Variants in OR7A5 observed in about 807,000 individuals in gnomAD.
OR7A5 encodes the protein olfactory receptor 7A5.
For missense variants in OR7A5, 319 were observed against 377.9 expected, an observed-to-expected ratio of 0.84 and a Z score of 1.29; for synonymous variants, 140 against 146.7, an observed-to-expected ratio of 0.95 and a Z score of 0.33.
chr19:14,828,145 A>G lies in OR7A5; in HGVS notation c.97T>C (p.Ser33Pro), dbSNP rs547840987. The G allele has an allele frequency of 1.2e-6, 2 of 1,614,166 alleles. No individual in the cohort carries two copies. Among genetic ancestry groups the G allele is most frequent in the South Asian group, 2.2e-5 (2 of 91,084 alleles). ...LQPFLFGLFLSMYLVTVLGNL... is the reference protein window; with the variant it reads ...LQPFLFGLFLPMYLVTVLGNL... Reference sequence around the variant, plus strand: ...CCGAGCACAGTGACCAGGTACATGGACAGGAACAGCCCAAAGAGGAAGGGT... The same window carrying G: ...CCGAGCACAGTGACCAGGTACATGGGCAGGAACAGCCCAAAGAGGAAGGGT... The change falls in exon 2 of 2, where the codon TCC becomes CCC. Residue 33 changes from serine to proline, a missense_variant. Ser to Pro is a moderately conservative substitution (Grantham distance 74). Transcript: ENST00000322301.
chr19:14,827,471 C>T lies in OR7A5; in HGVS notation c.771G>A (p.Gly257=), dbSNP rs747511434. The T allele has an allele frequency of 2.1e-5, 34 of 1,613,860 alleles. No individual in the cohort carries two copies. The highest frequency in any genetic ancestry group is 4.4e-5 in the South Asian group (4 of 91,074). The change falls in exon 2 of 2, where the codon GGG becomes GGA. Residue 257 remains glycine (G), a synonymous_variant. Coordinates refer to ENST00000322301, the MANE Select transcript of OR7A5 (RefSeq NM_017506.2). ...VVSLFYGAIL[G]VYLSSAATRN... is the part of the protein sequence containing the mutation. ...GGGTGGCAGCAGAACTAAGGTACAC[C>T]CCTAGGATTGCACCATAAAATAAGG... is the stretch of plus-strand genomic sequence containing the variant.
chr19:14,828,431 G>C (rs1403633086), intron 1 of OR7A5, 177 bp from the exon 2 acceptor site: 21 of 666,648 alleles, frequency 3.2e-5, no homozygotes, highest in Non-Finnish European at 4.8e-5. Flanking sequence ...CCCACTCTCA[G>C]CCTTAACTGA....
intron 1 of OR7A5, among the ~76,000 whole-genome samples, chr19:14,833,433 C>T (rs1342944082): frequency 6.6e-6 from 1 of 152,120 alleles, no homozygotes; most frequent in East Asian, 1.9e-4. Context: ...GAGCCAAGAT[C>T]GCACCACTGC....
chr19:14,827,585 A>G lies in OR7A5; in HGVS notation c.657T>C (p.Ser219=). The G allele has an allele frequency of 3.1e-6, 5 of 1,614,164 alleles. No homozygotes were observed. The highest frequency in any genetic ancestry group is 4.2e-6 in the Non-Finnish European group (5 of 1,180,008). The change falls in exon 2 of 2, where the codon TCT becomes TCC. Residue 219 remains serine, a synonymous_variant. Transcript: ENST00000322301. ...GPLTGILYSY[S]KIISSIHAIS... ...TTGCATGTATGGAAGAAATTATCTT[A>G]GAGTAAGAGTAAAGGATCCCAGTCA...
chr19:14,830,607 T>G lies in OR7A5; in HGVS notation c.-13-2353A>C, dbSNP rs539189959. The stretch of plus-strand genomic sequence containing the variant: ...AAAGAATTCTGACATCTTTATTGAC[T>G]TCATGGTTTTTAATTTAACAATAGT... On this transcript the variant is annotated intron_variant, in intron 1 of 1. Coordinates refer to ENST00000322301, the MANE Select transcript of OR7A5 (RefSeq NM_017506.2). Among the ~76,000 whole-genome samples the G allele has an allele frequency of 2.0e-5, 3 of 152,326 alleles. No individual in the cohort carries two copies. The South Asian group carries it at 6.2e-4, about 32-fold the overall frequency.
rs1161946069 is a variant in OR7A5 at position 14,827,333 on chromosome 19, T to C, written c.909A>G (p.Ile303Met). The change falls in exon 2 of 2, where the codon ATA (isoleucine) becomes ATG (methionine). Residue 303 changes from isoleucine (I) to methionine (M), a missense_variant. Ile to Met is a conservative substitution (Grantham distance 10, BLOSUM62 1). Coordinates refer to ENST00000322301, the MANE Select transcript of OR7A5 (RefSeq NM_017506.2). ...CTTTCATTGTTCCCCACAACAAATG[T>C]ATTCCCAGAGCCCTCTTTATGTCTT... is the stretch of plus-strand genomic sequence containing the variant. ...RNKDIKRALG[I>M]HLLWGTMKGQ... 6.3e-6 allele frequency: 10 copies of C among 1,584,846 alleles called. No individual in the cohort carries two copies. Among genetic ancestry groups the C allele is most frequent in the Non-Finnish European group, 8.6e-6 (10 of 1,169,276 alleles).
At chr19:14,830,074 G>C (rs1308816647) in intron 1 of OR7A5, among the ~76,000 whole-genome samples, 1 of 152,136 alleles carries the variant, frequency 6.6e-6, no homozygotes, top group African/African-American at 2.4e-5. Flanking sequence ...TGTTGCCCAG[G>C]CTGGTCTTGA....
chr19:14,827,866 T>C lies in OR7A5; in HGVS notation c.376A>G (p.Ile126Val), dbSNP rs2044787190. The C allele has an allele frequency of 6.2e-7, 1 of 1,614,160 alleles. No homozygotes were observed. Among genetic ancestry groups the C allele is most frequent in the South Asian group, 1.1e-5 (1 of 91,080 alleles). The change falls in exon 2 of 2, where the codon ATC becomes GTC. Residue 126 changes from isoleucine (I) to valine (V), a missense_variant. Transcript: ENST00000322301. ...ACCATGTAGTGCAGGGGGTGACAGA[T>C]GGCCACAAACCGGTCATAGGCCATC... ...SVMAYDRFVA[I>V]CHPLHYMVIM...
chr19:14,828,396 T>C (rs1203385490), intron 1 of OR7A5, 142 bp from the exon 2 acceptor site: 1 of 811,608 alleles, frequency 1.2e-6, no homozygotes, highest in African/African-American at 1.7e-5. Context: ...GGGATCTCCA[T>C]GTCATCTCTG....
At position 14,834,352 on chromosome 19, in the gene OR7A5, T is replaced by C. The variant is rs1004781186; in HGVS notation, c.-14+722A>G. 5.9e-5 allele frequency among the ~76,000 whole-genome samples: 9 copies of C among 152,168 alleles called. 1 individual carries two copies. Among genetic ancestry groups the C allele is most frequent in the African/African-American group, 2.2e-4 (9 of 41,438 alleles). ...CAGATATTCCTCGCCACAGTGTTTC[T>C]CAATCTCAGCACTATTGATATTCTG... is the stretch of plus-strand genomic sequence containing the variant. On this transcript the variant is annotated intron_variant, in intron 1 of 1. Coordinates refer to ENST00000322301, the MANE Select transcript of OR7A5 (RefSeq NM_017506.2).
rs1484176999 is a variant in OR7A5, at chr19:14,827,596, A to G, written c.646T>C (p.Tyr216His). The G allele has an allele frequency of 6.2e-7, 1 of 1,614,196 alleles. No homozygotes were observed. Among genetic ancestry groups the G allele is most frequent in the African/African-American group, 1.3e-5 (1 of 75,060 alleles). The change falls in exon 2 of 2, where the codon TAC (tyrosine) becomes CAC (histidine). Residue 216 changes from tyrosine to histidine, a missense_variant. By Grantham distance (83) the Tyr-to-His change is moderately conservative. Transcript: ENST00000322301. ...LGGGPLTGIL[Y>H]SYSKIISSIH... ...GAAGAAATTATCTTAGAGTAAGAGT[A>G]AAGGATCCCAGTCAGGGGACCTCCA...
At chr19:14,829,350 T>G (rs899499609) in intron 1 of OR7A5, among the ~76,000 whole-genome samples, 8 of 152,182 alleles carry the variant, frequency 5.3e-5, no homozygotes, top group Non-Finnish European at 8.8e-5. Context: ...ATTACAGGCA[T>G]GCACCACCAC....
intron 1 of OR7A5, among the ~76,000 whole-genome samples, chr19:14,828,631 C>A (rs999210061): frequency 6.6e-6 from 1 of 151,646 alleles, no homozygotes; most frequent in South Asian, 2.1e-4. Flanking sequence ...TAGTGGCATG[C>A]GCCTGTAGTC....
intron 1 of OR7A5, among the ~76,000 whole-genome samples, chr19:14,833,765 C>T (rs1384359022): frequency 1.3e-5 from 2 of 152,114 alleles, no homozygotes; most frequent in Non-Finnish European, 2.9e-5. Flanking sequence ...AATATTTGCT[C>T]AAAGTCAGTA....
chr19:14,832,076 T>C (rs562020205), intron 1 of OR7A5, among the ~76,000 whole-genome samples: 1 of 152,228 alleles, frequency 6.6e-6, no homozygotes, highest in South Asian at 2.1e-4. Context: ...ACCTAGCTAA[T>C]TTTGTTCATG....
At chr19:14,830,839 C>T (rs1008071835) in intron 1 of OR7A5, among the ~76,000 whole-genome samples, 1 of 152,160 alleles carries the variant, frequency 6.6e-6, no homozygotes, top group Non-Finnish European at 1.5e-5. Flanking sequence ...ACACAACCCT[C>T]GTGTGCCAAT....
chr19:14,832,486 C>T (rs1013703125), intron 1 of OR7A5, among the ~76,000 whole-genome samples: 25 of 148,508 alleles, frequency 1.7e-4, no homozygotes, highest in Admixed American at 6.8e-4. Context: ...AGTGCAGTGG[C>T]GCGATCTCGG....
chr19:14,830,985 TA>T (rs1387790817), intron 1 of OR7A5, among the ~76,000 whole-genome samples: 2 of 152,218 alleles, frequency 1.3e-5, no homozygotes, highest in Non-Finnish European at 2.9e-5. Context: ...CACTATCCTA[TA>T]AAATCCCCAG....
intron 1 of OR7A5, among the ~76,000 whole-genome samples, chr19:14,829,886 A>G (rs769577926): frequency 6.6e-5 from 10 of 152,150 alleles, no homozygotes; most frequent in African/African-American, 9.7e-5. Context: ...CACATGCAGC[A>G]CACTGGCCGA....
Sources: gnomAD v4.1 joint callset for allele counts (sites outside exome capture counted in the v4.1 genomes callset) on GRCh38, gnomAD v4.1.1 for gene constraint, MANE v1.5 for transcripts, NCBI Gene and HGNC (gene_info 2026-07-23, HGNC 2026-07-21) for gene names.